MSRB3: variants seen among roughly 807,000 people sequenced by gnomAD.
MSRB3 encodes the protein methionine sulfoxide reductase B3.
MSRB3 carries 13 observed loss-of-function variants against 21.0 expected under a neutral mutation model. That is an observed-to-expected ratio of 0.62 (90% CI 0.40 to 0.98). The LOEUF (loss-of-function observed/expected upper bound fraction) is 0.98, where lower values mean the gene tolerates loss of function less well. Among genes scored for constraint, MSRB3 ranks in the 50% least tolerant of loss-of-function variants. The pLI is 0.00. For synonymous variants in MSRB3, 87 were observed against 88.6 expected (o/e 0.98, Z 0.10); for missense variants, 199 against 230.3 (o/e 0.86, Z 0.88).
At chr12:65,357,211 A>G (rs1877437731) in intron 4 of MSRB3, among the ~76,000 whole-genome samples, 1 of 151,672 alleles carries the variant, frequency 6.6e-6, no homozygotes, top group Admixed American at 6.6e-5. Context: ...CACCTCCCAT[A>G]TCTAGTCTAC....
At chr12:65,419,564 G>A (rs1258622650) in intron 5 of MSRB3, 6 of 736,706 alleles carry the variant, frequency 8.1e-6, no homozygotes, top group Non-Finnish European at 1.3e-5. Flanking sequence ...TTGTCGATCT[G>A]CAGAACAATG....
intron 5 of MSRB3, among the ~76,000 whole-genome samples, chr12:65,401,363 A>G (rs1056503545): frequency 3.9e-5 from 6 of 152,170 alleles, no homozygotes; most frequent in African/African-American, 1.4e-4. Flanking sequence ...ACGATTATGT[A>G]ATGCCCTTCT....
In MSRB3 at chr12:65,455,875, C is replaced by G. The variant is rs948283553; in HGVS notation, c.390+2050C>G. 3.3e-5 allele frequency among the ~76,000 whole-genome samples: 5 copies of G among 152,050 alleles called. No individual in the cohort carries two copies. In the South Asian group the frequency reaches 1.0e-3, roughly 32 times the overall value. On this transcript the variant is annotated intron_variant, in intron 6 of 6. Coordinates refer to ENST00000308259, the MANE Select transcript of MSRB3 (RefSeq NM_001031679.3). Reference sequence around the variant, plus strand: ...CCTCAACCTCCCAAGTAGCTGGGACCATAGGTACACACCACCACATCCAGA... The same window carrying G: ...CCTCAACCTCCCAAGTAGCTGGGACGATAGGTACACACCACCACATCCAGA...
intron 5 of MSRB3, among the ~76,000 whole-genome samples, chr12:65,414,914 G>A (rs1193263524): frequency 2.0e-5 from 3 of 152,118 alleles, no homozygotes; most frequent in Non-Finnish European, 4.4e-5. Flanking sequence ...ATTTAGAGGT[G>A]CTTATAAGTC....
At chr12:65,461,383 G>A (rs1247862023) in intron 6 of MSRB3, among the ~76,000 whole-genome samples, 1 of 152,180 alleles carries the variant, frequency 6.6e-6, no homozygotes, top group East Asian at 1.9e-4. Context: ...ACCTAAACCT[G>A]CATCGAATGT....
At chr12:65,322,753 C>T (rs1309688491) in intron 2 of MSRB3, among the ~76,000 whole-genome samples, 1 of 151,080 alleles carries the variant, frequency 6.6e-6, no homozygotes, top group African/African-American at 2.4e-5. Context: ...GATAAGTCTA[C>T]TTGCTGTTTG....
At chr12:65,378,585 A>G (rs562384058) in intron 5 of MSRB3, among the ~76,000 whole-genome samples, 1 of 152,334 alleles carries the variant, frequency 6.6e-6, no homozygotes, top group East Asian at 1.9e-4. Flanking sequence ...TATGGTTGCG[A>G]TGTGGCCATT....
At chr12:65,339,415 A>G (rs1253657680) in intron 4 of MSRB3, among the ~76,000 whole-genome samples, 1 of 152,224 alleles carries the variant, frequency 6.6e-6, no homozygotes, top group African/African-American at 2.4e-5. Flanking sequence ...TCTAGCTCTA[A>G]ATCAACAAAT....
At chr12:65,292,152 C>T (rs142126132) in intron 1 of MSRB3, among the ~76,000 whole-genome samples, 243 of 152,248 alleles carry the variant, frequency 1.6e-3, no homozygotes, top group Middle Eastern at 6.8e-3. Context: ...TCATTGAGCC[C>T]AGTGAGCTCA....
At chr12:65,449,282 C>G (rs887813586) in intron 5 of MSRB3, among the ~76,000 whole-genome samples, 8 of 151,622 alleles carry the variant, frequency 5.3e-5, no homozygotes, top group African/African-American at 1.2e-4. Context: ...CATGATCCAC[C>G]CCCCCAGAGT....
chr12:65,388,342 G>A (rs1337760013), intron 5 of MSRB3, among the ~76,000 whole-genome samples: 1 of 151,958 alleles, frequency 6.6e-6, no homozygotes, highest in African/African-American at 2.4e-5. Flanking sequence ...GTGGGTCAAG[G>A]CAGGTACACA....
chr12:65,455,712 C>G (rs1350991986), intron 6 of MSRB3, among the ~76,000 whole-genome samples: 1 of 152,038 alleles, frequency 6.6e-6, no homozygotes, highest in Non-Finnish European at 1.5e-5. Flanking sequence ...GATTTTCCAG[C>G]AGTTGGCTTA....
intron 1 of MSRB3, chr12:65,279,628 C>T (rs1013145626): frequency 6.6e-6 from 1 of 152,272 alleles, no homozygotes; most frequent in East Asian, 1.9e-4. Context: ...GCTGTTCCTG[C>T]CTTATTTGGT....
At chr12:65,440,114 G>C (rs2336717) in intron 5 of MSRB3, among the ~76,000 whole-genome samples, 78,485 of 151,454 alleles carry the variant, frequency 0.52, 21,147 homozygotes, top group Non-Finnish European at 0.62. Flanking sequence ...TTGGTAGCCC[G>C]ATTGGTATTC....
chr12:65,314,912 T>C (rs1212461111), intron 2 of MSRB3, among the ~76,000 whole-genome samples: 1 of 152,190 alleles, frequency 6.6e-6, no homozygotes. Flanking sequence ...ATTAGATGCT[T>C]ATTTATCTAA....
intron 2 of MSRB3, among the ~76,000 whole-genome samples, chr12:65,315,590 C>G (rs1183298905): frequency 6.7e-6 from 1 of 149,546 alleles, no homozygotes; most frequent in Non-Finnish European, 1.5e-5. Context: ...ATCGCTTAAG[C>G]CCAGGAGGCA....
chr12:65,286,846 C>G (rs977957977), intron 1 of MSRB3: 1 of 150,782 alleles, frequency 6.6e-6, no homozygotes, highest in Non-Finnish European at 1.5e-5. Context: ...GAAGACCTAG[C>G]CTCTACTAAA....
chr12:65,309,724 T>G (rs1421097012), intron 2 of MSRB3, among the ~76,000 whole-genome samples: 1 of 152,178 alleles, frequency 6.6e-6, no homozygotes, highest in Non-Finnish European at 1.5e-5. Flanking sequence ...AATCTCAGAC[T>G]GGTAGCACAG....
At chr12:65,437,096 C>T (rs1882153971) in intron 5 of MSRB3, among the ~76,000 whole-genome samples, 1 of 151,870 alleles carries the variant, frequency 6.6e-6, no homozygotes, top group African/African-American at 2.4e-5. Context: ...TCCAGTTTTT[C>T]TGAACCTCTT....
Sources: gnomAD v4.1 joint callset for allele counts (sites outside exome capture counted in the v4.1 genomes callset) on GRCh38, gnomAD v4.1.1 for gene constraint, MANE v1.5 for transcripts, NCBI Gene and HGNC (gene_info 2026-07-23, HGNC 2026-07-21) for gene names.